ULK4: variants seen among roughly 807,000 people sequenced by gnomAD.
ULK4 encodes unc-51 like kinase 4, also known as inactive serine/threonine-protein kinase ULK4.
ULK4 carries 133 observed loss-of-function variants against 160.6 expected under a neutral mutation model. The observed-to-expected ratio is 0.83, with a 90% CI of 0.72 to 0.96. ULK4 has a LOEUF of 0.96. Ranked by LOEUF, ULK4 falls within the 40% of genes least tolerant of loss-of-function variation. The probability of loss-of-function intolerance (pLI) is 0.00; values close to 1 mark genes in which losing one functional copy is unlikely to be tolerated. For synonymous variants in ULK4, 534 were observed against 539.8 expected, an observed-to-expected ratio of 0.99 and a Z score of 0.15; for missense variants, 1,580 against 1,499.5, an observed-to-expected ratio of 1.05 and a Z score of -0.89.
intron 21 of ULK4, among the ~76,000 whole-genome samples, chr3:41,759,617 G>T (rs2038921071): frequency 6.6e-6 from 1 of 152,092 alleles, no homozygotes; most frequent in African/African-American, 2.4e-5. Flanking sequence ...GCATTTTGTG[G>T]ATGTAAACTA....
intron 34 of ULK4, among the ~76,000 whole-genome samples, chr3:41,420,457 T>C (rs2082633556): frequency 6.7e-6 from 1 of 149,550 alleles, no homozygotes; most frequent in Non-Finnish European, 1.5e-5. Context: ...AAGGGATTTT[T>C]CAGTTTTCCA....
chr3:41,275,227 C>G (rs2079209676), intron 35 of ULK4, among the ~76,000 whole-genome samples: 1 of 152,220 alleles, frequency 6.6e-6, no homozygotes. Flanking sequence ...TGGGGATCCT[C>G]TGGATCAGTG....
intron 32 of ULK4, among the ~76,000 whole-genome samples, chr3:41,505,229 C>A (rs1188264953): frequency 6.6e-6 from 1 of 152,096 alleles, no homozygotes. Context: ...ACATAAATAC[C>A]CTGTAGCTCA....
chr3:41,525,703 G>A (rs981685255), intron 32 of ULK4, among the ~76,000 whole-genome samples: 5 of 152,282 alleles, frequency 3.3e-5, no homozygotes, highest in Admixed American at 1.3e-4. Context: ...TTTTGTATCT[G>A]TATTTCCTAG....
chr3:41,452,642 A>T (rs1260778053), intron 34 of ULK4, among the ~76,000 whole-genome samples: 1 of 152,178 alleles, frequency 6.6e-6, no homozygotes, highest in African/African-American at 2.4e-5. Flanking sequence ...TGTGCTTCTT[A>T]AACAAAAATG....
chr3:41,808,876 T>C (rs959404573), intron 19 of ULK4, among the ~76,000 whole-genome samples: 1 of 152,182 alleles, frequency 6.6e-6, no homozygotes. Context: ...ACTTAAGAAC[T>C]TGGTGCTGCC....
At chr3:41,669,868 T>G (rs2035477782) in intron 29 of ULK4, among the ~76,000 whole-genome samples, 1 of 152,062 alleles carries the variant, frequency 6.6e-6, no homozygotes, top group South Asian at 2.1e-4. Context: ...CAAGGAATAG[T>G]GGGGACAGAC....
At chr3:41,279,279 A>C (rs1405358444) in intron 35 of ULK4, among the ~76,000 whole-genome samples, 2 of 148,366 alleles carry the variant, frequency 1.3e-5, no homozygotes, top group South Asian at 2.1e-4. Flanking sequence ...AAAAAAACAA[A>C]ACGACAAAGC....
At chr3:41,329,596 C>CATAA (rs148431066) in intron 35 of ULK4, among the ~76,000 whole-genome samples, 35,107 of 151,956 alleles carry the variant, frequency 0.23, 4,171 homozygotes, top group African/African-American at 0.25. Context: ...TGAATCTCAC[C>CATAA]ATAGTTGTAC....
At chr3:41,266,242 T>C (rs911912767) in intron 35 of ULK4, among the ~76,000 whole-genome samples, 4 of 152,152 alleles carry the variant, frequency 2.6e-5, no homozygotes, top group African/African-American at 9.6e-5. Flanking sequence ...GTTGGGATCC[T>C]GGACTCAAAG....
At chr3:41,567,443 ATTTTT>A (rs71288055) in intron 31 of ULK4, among the ~76,000 whole-genome samples, 4 of 90,302 alleles carry the variant, frequency 4.4e-5, no homozygotes, top group Non-Finnish European at 8.2e-5. Context: ...CACTTAACAG[ATTTTT>A]TTTTTTTTTT....
chr3:41,484,340 G>A (rs2084431321), intron 32 of ULK4, among the ~76,000 whole-genome samples: 1 of 152,028 alleles, frequency 6.6e-6, no homozygotes, highest in Admixed American at 6.6e-5. Context: ...GGTCAAAATG[G>A]GATGAAAACT....
At chr3:41,494,078 A>G (rs2084898043) in intron 32 of ULK4, among the ~76,000 whole-genome samples, 1 of 122,078 alleles carries the variant, frequency 8.2e-6, no homozygotes, top group Non-Finnish European at 1.8e-5. Context: ...AACTCATTTT[A>G]TGAGGCCAGC....
In ULK4 at chr3:41,901,172, C is replaced by CTT. The variant is rs201425733; in HGVS notation, c.1183-345_1183-344dup. Among the ~76,000 whole-genome samples the CTT allele has an allele frequency of 6.5e-3, 773 of 119,778 alleles. 13 individuals are homozygous for CTT. Among genetic ancestry groups the CTT allele is most frequent in the African/African-American group, 0.025 (706 of 28,688 alleles). The allele number at this position is 119,778 out of a possible 152,430, so 78.6% of individuals were successfully genotyped here. On this transcript the variant is annotated intron_variant, in intron 12 of 36. Coordinates refer to ENST00000301831, the MANE Select transcript of ULK4 (RefSeq NM_017886.4). ...TGGTTTTTCCATAACAGCATGGCTT[C>CTT]TTTTTTTTTTTTTTTTTTTTTTTTT...
At chr3:41,752,768 T>G (rs1210229494) in intron 22 of ULK4, among the ~76,000 whole-genome samples, 1 of 152,200 alleles carries the variant, frequency 6.6e-6, no homozygotes, top group Non-Finnish European at 1.5e-5. Context: ...CATTTGCAAC[T>G]GATTTAATGA....
intron 32 of ULK4, among the ~76,000 whole-genome samples, chr3:41,531,312 GC>G (rs1276185785): frequency 1.1e-4 from 16 of 150,188 alleles, no homozygotes; most frequent in African/African-American, 3.9e-4. Context: ...ATGGTGGTGG[GC>G]GCCAGTAGTC....
intron 5 of ULK4, among the ~76,000 whole-genome samples, chr3:41,920,058 T>G (rs569152141): frequency 6.6e-6 from 1 of 152,210 alleles, no homozygotes; most frequent in African/African-American, 2.4e-5. Context: ...CACATTCAGC[T>G]ACATTCTTCT....
intron 32 of ULK4, among the ~76,000 whole-genome samples, chr3:41,515,757 T>C (rs1026835047): frequency 2.0e-5 from 3 of 152,194 alleles, no homozygotes; most frequent in African/African-American, 7.2e-5. Context: ...TACTTCCACC[T>C]AGTCCCACCC....
At chr3:41,789,241 T>C (rs1322760077) in intron 21 of ULK4, among the ~76,000 whole-genome samples, 1 of 152,146 alleles carries the variant, frequency 6.6e-6, no homozygotes, top group African/African-American at 2.4e-5. Flanking sequence ...GGGGGCTCTA[T>C]AATTTCAACT....
Sources: gnomAD v4.1 joint callset for allele counts (sites outside exome capture counted in the v4.1 genomes callset) on GRCh38, gnomAD v4.1.1 for gene constraint, MANE v1.5 for transcripts, NCBI Gene and HGNC (gene_info 2026-07-23, HGNC 2026-07-21) for gene names.